FRY: variants seen among roughly 807,000 people sequenced by gnomAD.
The protein encoded by FRY is FRY microtubule binding protein, also known as protein furry homolog.
Under a neutral mutation model 348.4 loss-of-function variants are expected in FRY, and 128 were observed. That is an observed-to-expected ratio of 0.37 (90% CI 0.32 to 0.43). The LOEUF is 0.43. Ranked by LOEUF, FRY falls within the 20% of genes least tolerant of loss-of-function variation. The pLI is 1.00. For missense variants in FRY, 2,736 were observed against 3,695.2 expected (o/e 0.74, Z 6.73); for synonymous variants, 1,370 against 1,374.7 (o/e 1.00, Z 0.08).
At chr13:32,090,893 G>A (rs145454485) in intron 2 of FRY, among the ~76,000 whole-genome samples, 1 of 151,844 alleles carries the variant, frequency 6.6e-6, no homozygotes, top group African/African-American at 2.4e-5. Flanking sequence ...CAAAACCACT[G>A]CAAATAGGAC....
Position 32,178,983 on chromosome 13 carries a change from C to G in FRY, c.2821C>G (p.Pro941Ala). 2.5e-6 allele frequency: 4 copies of G among 1,613,836 alleles called. No individual in the cohort carries two copies. The highest frequency in any genetic ancestry group is 3.4e-6 in the Non-Finnish European group (4 of 1,179,808). Residue 941 changes from proline (P) to alanine (A), a missense_variant, in exon 22 of 61, where the codon CCA becomes GCA. Coordinates refer to ENST00000542859, the MANE Select transcript of FRY (RefSeq NM_023037.3). ...MSPGHLRAST[P>A]EIMATTPDGT... ...CCCAGGACACTTAAGAGCTTCCACT[C>G]CAGAAATAATGGCGACCACACCTGA... is the stretch of plus-strand genomic sequence containing the variant.
intron 36 of FRY, among the ~76,000 whole-genome samples, chr13:32,222,181 G>A (rs1259004482): frequency 6.6e-6 from 1 of 152,206 alleles, no homozygotes; most frequent in Non-Finnish European, 1.5e-5. Context: ...CCTAGCCATA[G>A]GGAGCAGCAG....
At chr13:32,174,372 T>G (rs1345063100) in intron 19 of FRY, among the ~76,000 whole-genome samples, 1 of 152,232 alleles carries the variant, frequency 6.6e-6, no homozygotes, top group East Asian at 1.9e-4. Context: ...GGTAAATGAA[T>G]CTCTAAGACA....
At chr13:32,166,914 C>A (rs764368540) in intron 17 of FRY, among the ~76,000 whole-genome samples, 6 of 152,138 alleles carry the variant, frequency 3.9e-5, no homozygotes, top group Admixed American at 6.5e-5. Context: ...TATTTTTGAG[C>A]CTTTCAGTGG....
In FRY at chr13:32,291,931, G is replaced by C. The variant is rs183071816; in HGVS notation, c.8580+2188G>C. On this transcript the variant is annotated intron_variant, in intron 59 of 60. Transcript: ENST00000542859. ...GCAGTCTTATGATAAAACCTGAATG[G>C]ATGAGGAGTTGCTTCTTATGCATGA... The C allele has an allele frequency of 2.4e-4, 106 of 446,554 alleles. 1 individual carries two copies. The East Asian group carries it at 6.4e-3, about 27-fold the overall frequency. 27.7% of individuals were successfully genotyped at this position (446,554 alleles called of 1,614,324 possible).
At chr13:32,278,594 G>T in intron 58 of FRY, 46 bp downstream of exon 58, 1 of 1,024,028 alleles carries the variant, frequency 9.8e-7, no homozygotes, top group Non-Finnish European at 1.6e-6. Flanking sequence ...CTCTAACATT[G>T]TGTATTAGTT....
At chr13:32,286,123 T>G (rs1367510797) in intron 58 of FRY, among the ~76,000 whole-genome samples, 2 of 152,206 alleles carry the variant, frequency 1.3e-5, no homozygotes, top group Non-Finnish European at 2.9e-5. Flanking sequence ...GGCTTGTTGG[T>G]GGCAGTCCTT....
At chr13:32,061,249 G>T in intron 1 of FRY, 1 of 491,084 alleles carries the variant, frequency 2.0e-6, no homozygotes. Context: ...AAAGGTTTCA[G>T]CGGATGGGGG....
chr13:32,184,960 T>C lies in FRY; in HGVS notation c.3147-16T>C, dbSNP rs375239517. On this transcript the variant is annotated splice_polypyrimidine_tract_variant and intron_variant, in intron 25 of 60. Transcript: ENST00000542859. ...AAAGACTGATCATCTAAAAGTTTCA[T>C]TTTCCTTTATTCCAGCACAAATGGA... 44 of 1,611,358 alleles carry C rather than the reference T, an allele frequency of 2.7e-5. No individual in the cohort carries two copies. The South Asian group carries it at 4.0e-4, about 14-fold the overall frequency.
chr13:32,265,927 C>G (rs566509107), intron 54 of FRY, among the ~76,000 whole-genome samples: 2 of 152,258 alleles, frequency 1.3e-5, no homozygotes, highest in African/African-American at 4.8e-5. Context: ...ACTTGGCAAG[C>G]CTTGGAAATA....
intron 28 of FRY, among the ~76,000 whole-genome samples, chr13:32,187,974 A>G (rs1883121955): frequency 6.6e-6 from 1 of 152,168 alleles, no homozygotes. Flanking sequence ...ATTTTAAAAA[A>G]TACTTCCTGA....
At chr13:32,252,688 G>A (rs1887141452) in intron 50 of FRY, among the ~76,000 whole-genome samples, 1 of 152,024 alleles carries the variant, frequency 6.6e-6, no homozygotes, top group South Asian at 2.1e-4. Context: ...ACATTTCTCG[G>A]TGGAGCTATT....
At chr13:32,263,813 C>G (rs1887790078) in intron 53 of FRY, among the ~76,000 whole-genome samples, 1 of 152,188 alleles carries the variant, frequency 6.6e-6, no homozygotes, top group South Asian at 2.1e-4. Context: ...TCAAGACCAG[C>G]CTGGCCAAGA....
chr13:32,039,182 A>C (rs949091685), intron 1 of FRY, among the ~76,000 whole-genome samples: 9 of 152,212 alleles, frequency 5.9e-5, no homozygotes, highest in African/African-American at 2.2e-4. Flanking sequence ...GGTCTGTAAG[A>C]ACAATTTCAA....
intron 44 of FRY, among the ~76,000 whole-genome samples, chr13:32,238,224 C>T (rs1030316403): frequency 5.3e-5 from 8 of 151,890 alleles, no homozygotes; most frequent in African/African-American, 1.9e-4. Flanking sequence ...AAGATATTAG[C>T]GATTTCTTTT....
chr13:32,238,047 A>G (rs1886307650), intron 44 of FRY, 61 bp downstream of exon 44: 1 of 1,574,104 alleles, frequency 6.4e-7, no homozygotes, highest in South Asian at 1.1e-5. Flanking sequence ...ATCATTTGGT[A>G]CAATAAGATA....
intron 31 of FRY, among the ~76,000 whole-genome samples, chr13:32,206,486 C>T (rs1002380387): frequency 6.6e-6 from 1 of 152,124 alleles, no homozygotes; most frequent in Non-Finnish European, 1.5e-5. Flanking sequence ...TCACAGTGGC[C>T]TGGCTGAGAA....
At chr13:32,112,687 T>TTACATACTTTTGTGTACTTGTG (rs1878046695) in intron 3 of FRY, among the ~76,000 whole-genome samples, 1 of 152,262 alleles carries the variant, frequency 6.6e-6, no homozygotes, top group Non-Finnish European at 1.5e-5. Flanking sequence ...ATGTTATGTC[T>TTACATACTTTTGTGTACTTGTG]TACATACTTT....
intron 28 of FRY, among the ~76,000 whole-genome samples, chr13:32,190,304 A>G (rs1226914077): frequency 5.3e-5 from 8 of 152,076 alleles, no homozygotes; most frequent in African/African-American, 1.2e-4. Context: ...TATCAACATC[A>G]TACTGGAGAT....
Sources: allele counts gnomAD v4.1 joint callset (sites outside exome capture counted in the v4.1 genomes callset), GRCh38; gene constraint gnomAD v4.1.1; transcripts MANE v1.5; gene names NCBI Gene and HGNC (gene_info 2026-07-23, HGNC 2026-07-21).